LEMD1: variants seen among roughly 807,000 people sequenced by gnomAD.
LEMD1 encodes LEM domain containing 1.
In LEMD1, 18 loss-of-function variants were observed where a neutral mutation model predicts 17.4. The ratio of observed to expected loss-of-function variants is 1.04; its 90% CI spans 0.72 to 1.54. The LOEUF (loss-of-function observed/expected upper bound fraction) is 1.54, where lower values mean the gene tolerates loss of function less well. Among genes scored for constraint, LEMD1 ranks in the 40% most tolerant of loss-of-function variants. The pLI is 0.00. For synonymous variants in LEMD1, 88 were observed against 77.8 expected (o/e 1.13, Z -0.69); for missense variants, 195 against 210.4 (o/e 0.93, Z 0.45).
At chr1:205,407,808 G>A (rs1337689383) in intron 4 of LEMD1, among the ~76,000 whole-genome samples, 1 of 152,170 alleles carries the variant, frequency 6.6e-6, no homozygotes, top group African/African-American at 2.4e-5. Context: ...TAACCTGTGG[G>A]ATCTGACGCT....
chr1:205,445,176 T>C (rs1045655090), intron 1 of LEMD1, among the ~76,000 whole-genome samples: 2 of 151,954 alleles, frequency 1.3e-5, no homozygotes, highest in Non-Finnish European at 2.9e-5. Flanking sequence ...GGGTTTTCTC[T>C]CCCCACCTCC....
chr1:205,394,986 CA>C (rs751367678), intron 4 of LEMD1, among the ~76,000 whole-genome samples: 122 of 120,254 alleles, frequency 1.0e-3, no homozygotes, highest in Non-Finnish European at 1.1e-3. Flanking sequence ...GACTCCTTCT[CA>C]AAAAAAAAAA....
chr1:205,430,001 C>T (rs1666104975), intron 1 of LEMD1, among the ~76,000 whole-genome samples: 1 of 152,220 alleles, frequency 6.6e-6, no homozygotes, highest in South Asian at 2.1e-4. Context: ...CGAAACACTA[C>T]TCATTACAGA....
intron 4 of LEMD1, among the ~76,000 whole-genome samples, chr1:205,401,927 C>G (rs895967609): frequency 6.6e-6 from 1 of 152,126 alleles, no homozygotes; most frequent in African/African-American, 2.4e-5. Flanking sequence ...ATATGGCTAG[C>G]CAGTTTTCCC....
chr1:205,446,932 C>G (rs913725), intron 1 of LEMD1, among the ~76,000 whole-genome samples: 130,493 of 152,186 alleles, frequency 0.86, 56,909 homozygotes, highest in East Asian at 0.96. Context: ...CTGATCCCCC[C>G]GCTCCCCCCG....
At chr1:205,404,685 C>A (rs1574969330) in intron 4 of LEMD1, among the ~76,000 whole-genome samples, 1 of 152,072 alleles carries the variant, frequency 6.6e-6, no homozygotes, top group African/African-American at 2.4e-5. Flanking sequence ...TTAATTGGAG[C>A]ATTTAGTCCA....
At chr1:205,431,500 T>C (rs998788452) in intron 1 of LEMD1, among the ~76,000 whole-genome samples, 3 of 152,132 alleles carry the variant, frequency 2.0e-5, no homozygotes, top group South Asian at 2.1e-4. Flanking sequence ...TCTAGGGAGA[T>C]TGAGTGACTT....
At chr1:205,404,646 T>C (rs1399159554) in intron 4 of LEMD1, among the ~76,000 whole-genome samples, 2 of 152,254 alleles carry the variant, frequency 1.3e-5, no homozygotes, top group Non-Finnish European at 2.9e-5. Context: ...GGCTCTTGAC[T>C]CTTTATCCAA....
intron 1 of LEMD1, among the ~76,000 whole-genome samples, chr1:205,446,403 C>T (rs990674071): frequency 5.3e-5 from 8 of 152,194 alleles, no homozygotes; most frequent in African/African-American, 1.9e-4. Flanking sequence ...TCTCCCAGTT[C>T]GTACTTCATT....
chr1:205,443,248 CA>C lies in LEMD1; in HGVS notation c.-39+6619del, dbSNP rs577401395. Among the ~76,000 whole-genome samples, 371 of 152,298 alleles carry C rather than the reference CA, an allele frequency of 2.4e-3. 2 individuals carry two copies. Among genetic ancestry groups the C allele is most frequent in the African/African-American group, 8.5e-3 (352 of 41,538 alleles). On this transcript the variant is annotated intron_variant, in intron 1 of 3. Transcript: ENST00000367154. ...ACAAGCCAGGCAGGTAGCAGCCCCA[CA>C]AACAGGTCAAGGTGCAGCTCAGGGT...
At chr1:205,405,403 T>C (rs1273904020) in intron 4 of LEMD1, among the ~76,000 whole-genome samples, 3 of 149,988 alleles carry the variant, frequency 2.0e-5, no homozygotes, top group Non-Finnish European at 4.4e-5. Context: ...TGTTCGTTTC[T>C]TTTTATTCTT....
intron 3 of LEMD1, among the ~76,000 whole-genome samples, chr1:205,418,546 C>T (rs927941767): frequency 6.6e-6 from 1 of 152,146 alleles, no homozygotes; most frequent in South Asian, 2.1e-4. Context: ...GACGGAGTCT[C>T]GCTCTGTCCA....
rs776591028 is a variant in LEMD1 at position 205,381,857 on chromosome 1, C to A, written c.348-1G>T. On this transcript the variant is annotated splice_acceptor_variant, in intron 5 of 5. Transcript: ENST00000367153. LOFTEE classifies it high-confidence loss of function. Reference sequence around the variant, plus strand: ...GGTGCTTGGTGCTCTTGCAGCCCACCTGTGAAAACATCAGTGGCTCTTAGG... The same window carrying A: ...GGTGCTTGGTGCTCTTGCAGCCCACATGTGAAAACATCAGTGGCTCTTAGG... 1.2e-6 allele frequency: 2 copies of A among 1,614,082 alleles called. No homozygotes were observed. The highest frequency in any genetic ancestry group is 4.5e-5 in the East Asian group (2 of 44,884).
chr1:205,446,718 G>T (rs1666395291), intron 1 of LEMD1, among the ~76,000 whole-genome samples: 1 of 152,212 alleles, frequency 6.6e-6, no homozygotes, highest in Non-Finnish European at 1.5e-5. Flanking sequence ...GCCCAGGGCA[G>T]CTGGACAATG....
intron 2 of LEMD1, among the ~76,000 whole-genome samples, chr1:205,419,662 C>T (rs1442217351): frequency 1.3e-5 from 2 of 152,164 alleles, no homozygotes; most frequent in Non-Finnish European, 2.9e-5. Context: ...GACGAGGTTT[C>T]GCCATGTTGG....
chr1:205,421,573 T>C (rs749941568), intron 1 of LEMD1, among the ~76,000 whole-genome samples: 6 of 152,234 alleles, frequency 3.9e-5, no homozygotes, highest in Non-Finnish European at 8.8e-5. Context: ...AATAGGGTTG[T>C]TCTGGAATAC....
chr1:205,442,151 G>A (rs1442570638), intron 1 of LEMD1, among the ~76,000 whole-genome samples: 2 of 152,184 alleles, frequency 1.3e-5, no homozygotes, highest in Non-Finnish European at 2.9e-5. Flanking sequence ...CGCCCTGCGT[G>A]GAGGTCAGGC....
At chr1:205,391,381 A>G (rs1485571846) in intron 4 of LEMD1, among the ~76,000 whole-genome samples, 1 of 151,892 alleles carries the variant, frequency 6.6e-6, no homozygotes, top group African/African-American at 2.4e-5. Context: ...TTTAATTTAT[A>G]TGTCCTGGAC....
intron 4 of LEMD1, among the ~76,000 whole-genome samples, chr1:205,407,187 A>G (rs6687699): frequency 0.31 from 46,504 of 151,676 alleles, 7,446 homozygotes; most frequent in African/African-American, 0.38. Context: ...AAAATTAGCC[A>G]GGTGTGGCAG....
Sources: gnomAD v4.1 joint callset for allele counts (sites outside exome capture counted in the v4.1 genomes callset) on GRCh38, gnomAD v4.1.1 for gene constraint, MANE v1.5 for transcripts, NCBI Gene and HGNC (gene_info 2026-07-23, HGNC 2026-07-21) for gene names.